The following CREB5 variants were observed in gnomAD, a reference collection of about 807,000 sequenced individuals.
CREB5 encodes the protein cyclic AMP-responsive element-binding protein 5.
Under a neutral mutation model 57.1 loss-of-function variants are expected in CREB5, and 19 were observed. That is an observed-to-expected ratio of 0.33 (90% CI 0.23 to 0.49). The LOEUF is 0.49. CREB5 is among the 20% of genes least tolerant of loss of function. The pLI, the probability that CREB5 is intolerant of heterozygous loss-of-function variation, is 0.99. For synonymous variants in CREB5, 238 were observed against 238.3 expected (o/e 1.00, Z 0.01); for missense variants, 579 against 671.6 (o/e 0.86, Z 1.52).
chr7:28,589,629 G>A (rs1447939150), intron 5 of CREB5, among the ~76,000 whole-genome samples: 2 of 152,254 alleles, frequency 1.3e-5, no homozygotes, highest in Non-Finnish European at 1.5e-5. Context: ...TTTACAAATA[G>A]CGAAATGCAT....
chr7:28,359,970 A>G (rs1225173061), intron 1 of CREB5, among the ~76,000 whole-genome samples: 1 of 152,244 alleles, frequency 6.6e-6, no homozygotes, highest in African/African-American at 2.4e-5. Flanking sequence ...GATATATGAA[A>G]AAATGCTCAA....
chr7:28,534,368 C>T (rs976861844), intron 4 of CREB5, among the ~76,000 whole-genome samples: 17 of 152,216 alleles, frequency 1.1e-4, no homozygotes, highest in African/African-American at 3.6e-4. Flanking sequence ...TCCTCCCCCG[C>T]GAGCCCTCTC....
At chr7:28,380,655 T>A (rs1488757621) in intron 1 of CREB5, among the ~76,000 whole-genome samples, 1 of 152,198 alleles carries the variant, frequency 6.6e-6, no homozygotes, top group Admixed American at 6.5e-5. Context: ...AGACTTGTAG[T>A]GTTTGTGGCT....
chr7:28,371,813 G>A (rs1156992683), intron 1 of CREB5, among the ~76,000 whole-genome samples: 2 of 125,166 alleles, frequency 1.6e-5, no homozygotes, highest in African/African-American at 3.2e-5. Context: ...TGGGAGCCCC[G>A]AGGGCAGGCT....
At chr7:28,360,962 C>T (rs1583397653) in intron 1 of CREB5, among the ~76,000 whole-genome samples, 1 of 152,006 alleles carries the variant, frequency 6.6e-6, no homozygotes, top group Non-Finnish European at 1.5e-5. Context: ...CACTGAGGGG[C>T]AGGGTGCTAC....
chr7:28,496,596 C>T (rs1792062710), intron 3 of CREB5, among the ~76,000 whole-genome samples: 1 of 152,132 alleles, frequency 6.6e-6, no homozygotes, highest in African/African-American at 2.4e-5. Flanking sequence ...CTAACCTGCA[C>T]ACGGCTACTG....
chr7:28,340,558 G>A (rs952469904), intron 1 of CREB5, among the ~76,000 whole-genome samples: 2 of 152,176 alleles, frequency 1.3e-5, no homozygotes, highest in Admixed American at 1.3e-4. Context: ...GTGGAAGGAA[G>A]GAGTCTCTTT....
At chr7:28,616,512 A>G (rs1797601947) in intron 5 of CREB5, among the ~76,000 whole-genome samples, 1 of 152,084 alleles carries the variant, frequency 6.6e-6, no homozygotes, top group African/African-American at 2.4e-5. Flanking sequence ...ATAGGAAATA[A>G]AACCTCACCC....
At chr7:28,569,912 A>T (rs531208744) in intron 4 of CREB5, among the ~76,000 whole-genome samples, 2 of 151,998 alleles carry the variant, frequency 1.3e-5, no homozygotes, top group Admixed American at 1.3e-4. Flanking sequence ...TAAAAAATGT[A>T]TATATATGGT....
intron 1 of CREB5, among the ~76,000 whole-genome samples, chr7:28,331,508 T>C (rs1189544680): frequency 3.9e-5 from 6 of 152,156 alleles, no homozygotes; most frequent in Non-Finnish European, 8.8e-5. Context: ...TACAGACGTG[T>C]GCAAATGACT....
chr7:28,688,918 C>T (rs1801094248), intron 5 of CREB5, among the ~76,000 whole-genome samples: 1 of 152,106 alleles, frequency 6.6e-6, no homozygotes, highest in African/African-American at 2.4e-5. Flanking sequence ...CACTCATATT[C>T]AGTAATGCTC....
At chr7:28,699,613 T>C (rs983174615) in intron 5 of CREB5, among the ~76,000 whole-genome samples, 2 of 152,228 alleles carry the variant, frequency 1.3e-5, no homozygotes, top group Non-Finnish European at 2.9e-5. Context: ...CACCAACTTA[T>C]GCTTATCTAT....
intron 1 of CREB5, among the ~76,000 whole-genome samples, chr7:28,439,234 T>C (rs1789086077): frequency 6.6e-6 from 1 of 152,182 alleles, no homozygotes. Context: ...CTCTGTTGGT[T>C]CTTCACTGCC....
chr7:28,525,478 C>T (rs916887328), intron 4 of CREB5, among the ~76,000 whole-genome samples: 3 of 152,110 alleles, frequency 2.0e-5, no homozygotes, highest in African/African-American at 7.2e-5. Context: ...TCCACATCCT[C>T]ACCAGCATTT....
intron 3 of CREB5, among the ~76,000 whole-genome samples, chr7:28,497,689 G>A (rs1327236593): frequency 1.3e-5 from 2 of 152,184 alleles, no homozygotes; most frequent in Non-Finnish European, 2.9e-5. Context: ...TTTGCACTTA[G>A]AGAACTCTGT....
chr7:28,390,105 G>T (rs1787187489), intron 1 of CREB5, among the ~76,000 whole-genome samples: 1 of 151,832 alleles, frequency 6.6e-6, no homozygotes. Context: ...GGGCAAAGAG[G>T]ATCTTCTTAA....
intron 5 of CREB5, among the ~76,000 whole-genome samples, chr7:28,623,787 G>A (rs58036517): frequency 6.6e-6 from 1 of 152,144 alleles, no homozygotes; most frequent in Non-Finnish European, 1.5e-5. Flanking sequence ...ATCATACATA[G>A]CAGAGGAGTT....
At chr7:28,764,705 C>A (rs1326098901) in intron 7 of CREB5, among the ~76,000 whole-genome samples, 1 of 152,198 alleles carries the variant, frequency 6.6e-6, no homozygotes, top group South Asian at 2.1e-4. Flanking sequence ...CATGGATTGA[C>A]TATCAGATTT....
At chr7:28,737,690 A>T (rs1804109708) in intron 7 of CREB5, among the ~76,000 whole-genome samples, 1 of 151,334 alleles carries the variant, frequency 6.6e-6, no homozygotes, top group Admixed American at 6.6e-5. Context: ...GGAAGGAGAA[A>T]ACTGAGACTA....
Sources: gnomAD v4.1 joint callset for allele counts (sites outside exome capture counted in the v4.1 genomes callset) on GRCh38, gnomAD v4.1.1 for gene constraint, MANE v1.5 for transcripts, NCBI Gene and HGNC (gene_info 2026-07-23, HGNC 2026-07-21) for gene names.